The following CNKSR2 variants were observed in gnomAD, a reference collection of about 807,000 sequenced individuals.
The protein encoded by CNKSR2 is CNK homolog protein 2.
In CNKSR2, 14 loss-of-function variants were observed where a neutral mutation model predicts 84.4. The ratio of observed to expected loss-of-function variants is 0.17; its 90% CI spans 0.11 to 0.26. CNKSR2 has a LOEUF of 0.26. CNKSR2 is among the 10% of genes least tolerant of loss of function. CNKSR2 has a pLI of 1.00. For missense variants in CNKSR2, 485 were observed against 771.2 expected (o/e 0.63, Z 4.40); for synonymous variants, 275 against 277.9 (o/e 0.99, Z 0.10).
intron 8 of CNKSR2, among the ~76,000 whole-genome samples, chrX:21,507,799 T>TGTAA (rs1212839201): frequency 8.9e-6 from 1 of 111,902 alleles, no homozygotes; most frequent in Non-Finnish European, 1.9e-5. Flanking sequence ...ATGAATTTTT[T>TGTAA]GTAAGTATAG....
chrX:21,591,406 GAAACA>G, intron 15 of CNKSR2: 1 of 263,523 alleles, frequency 3.8e-6, no homozygotes, highest in Non-Finnish European at 6.8e-6. Context: ...CAACATATCT[GAAACA>G]CAGATAAAGT....
intron 11 of CNKSR2, among the ~76,000 whole-genome samples, chrX:21,547,269 C>G (rs983309022): frequency 2.7e-5 from 3 of 111,104 alleles, no homozygotes; most frequent in South Asian, 3.8e-4. Context: ...AAAAAAAAAG[C>G]AGGAGTTGCA....
At chrX:21,497,757 C>A in intron 6 of CNKSR2, 30 bp from the exon 7 acceptor site, 3 of 715,145 alleles carry the variant, frequency 4.2e-6, no homozygotes, top group Non-Finnish European at 6.7e-6. Context: ...AATTGCTTCA[C>A]TTTCTTTTCT....
intron 1 of CNKSR2, among the ~76,000 whole-genome samples, chrX:21,417,686 G>A (rs2090440719): frequency 9.0e-6 from 1 of 111,306 alleles, no homozygotes; most frequent in South Asian, 3.7e-4. Context: ...ATTTTGTCTT[G>A]AAATCTATTT....
chrX:21,469,893 CAA>C (rs1449868304), intron 4 of CNKSR2, among the ~76,000 whole-genome samples: 1 of 111,867 alleles, frequency 8.9e-6, no homozygotes, highest in Non-Finnish European at 1.9e-5. Flanking sequence ...GCCTGGGCAA[CAA>C]GAGCAAAACT....
At chrX:21,547,897 C>T (rs1412268974) in intron 11 of CNKSR2, among the ~76,000 whole-genome samples, 11 of 112,057 alleles carry the variant, frequency 9.8e-5, no homozygotes, top group Admixed American at 1.9e-4. Flanking sequence ...AAACACACAA[C>T]GTACCAGAAT....
At chrX:21,504,032 T>A (rs779106528) in intron 8 of CNKSR2, 3 of 111,331 alleles carry the variant, frequency 2.7e-5, no homozygotes, top group Non-Finnish European at 3.8e-5. Context: ...TAGACTTTTT[T>A]AATAATATGA....
At chrX:21,584,130 CTG>C (rs1186472780) in intron 13 of CNKSR2, among the ~76,000 whole-genome samples, 2 of 111,909 alleles carry the variant, frequency 1.8e-5, no homozygotes, top group Admixed American at 9.5e-5. Flanking sequence ...TAAATTTAAA[CTG>C]TTAAATGCAC....
chrX:21,644,829 T>C, intron 20 of CNKSR2: 2 of 112,025 alleles, frequency 1.8e-5, no homozygotes, highest in Middle Eastern at 4.6e-3. Flanking sequence ...TACTATAGAG[T>C]AATACATGTA....
chrX:21,439,083 G>A (rs185422412), intron 3 of CNKSR2, among the ~76,000 whole-genome samples: 4 of 111,556 alleles, frequency 3.6e-5, no homozygotes, highest in Admixed American at 2.9e-4. Flanking sequence ...AGAACAGGAT[G>A]TTTTGACATT....
At position 21,455,010 on chromosome X, in the gene CNKSR2, A is replaced by G. The variant is rs1002173038; in HGVS notation, c.519+14229A>G. On this transcript the variant is annotated intron_variant, in intron 4 of 21. Coordinates refer to ENST00000379510, the MANE Select transcript of CNKSR2 (RefSeq NM_014927.5). The stretch of plus-strand genomic sequence containing the variant: ...CCTGTGGATCAGTTTATCTATGGCT[A>G]TAGAGCAATATAGTTCTTTCTGTCA... Among the ~76,000 whole-genome samples the G allele has an allele frequency of 5.4e-5, 6 of 111,812 alleles. No individual in the cohort carries two copies. The Admixed American group carries it at 5.7e-4, about 11-fold the overall frequency.
chrX:21,509,538 T>C (rs1353430995), intron 8 of CNKSR2, among the ~76,000 whole-genome samples: 1 of 111,855 alleles, frequency 8.9e-6, no homozygotes, highest in Non-Finnish European at 1.9e-5. Context: ...TAAGTTACTC[T>C]AAGCTAGGGT....
intron 9 of CNKSR2, among the ~76,000 whole-genome samples, chrX:21,519,271 A>G (rs917516254): frequency 1.8e-5 from 2 of 111,440 alleles, no homozygotes; most frequent in Non-Finnish European, 3.8e-5. Flanking sequence ...TTTATAGATT[A>G]TAGATTTTGG....
intron 1 of CNKSR2, among the ~76,000 whole-genome samples, chrX:21,395,091 C>T (rs979503863): frequency 9.0e-6 from 1 of 111,428 alleles, no homozygotes. Context: ...GTGTACTTTC[C>T]CAAAGCTCCT....
rs774880003 is a variant in CNKSR2 at position 21,652,538 on chromosome X, G to C, written c.*17G>C. On this transcript the variant is annotated 3_prime_UTR_variant, in exon 22 of 22. Transcript: ENST00000379510. ...CATGTCTAAATGTATTCTGCCTTCA[G>C]ACCATCTAGTACCTGCTGGTACTCT... The C allele has an allele frequency of 7.1e-6, 8 of 1,130,744 alleles. No homozygotes were observed. In the African/African-American group the frequency reaches 1.3e-4, roughly 18 times the overall value. 93.2% of individuals were successfully genotyped at this position (1,130,744 alleles called of 1,213,427 possible).
At chrX:21,621,807 T>C (rs771325168) in intron 20 of CNKSR2, among the ~76,000 whole-genome samples, 1 of 111,252 alleles carries the variant, frequency 9.0e-6, no homozygotes, top group East Asian at 2.8e-4. Context: ...TTTAAAATGC[T>C]TCATTTTTTT....
chrX:21,461,549 A>G (rs752573213), intron 4 of CNKSR2, among the ~76,000 whole-genome samples: 3 of 111,173 alleles, frequency 2.7e-5, no homozygotes, highest in African/African-American at 6.6e-5. Context: ...ATGTGATCCC[A>G]TTTGTCCATT....
intron 20 of CNKSR2, among the ~76,000 whole-genome samples, chrX:21,635,092 T>C (rs1249605038): frequency 9.2e-6 from 1 of 108,565 alleles, no homozygotes; most frequent in Non-Finnish European, 1.9e-5. Flanking sequence ...TTAAATTCTT[T>C]TCAGGAAGAA....
chrX:21,517,673 G>A (rs897329789), intron 9 of CNKSR2, among the ~76,000 whole-genome samples: 5 of 109,462 alleles, frequency 4.6e-5, no homozygotes, highest in Non-Finnish European at 7.6e-5. Flanking sequence ...TGTCCTTCAC[G>A]AAACGTACAT....
Sources: gnomAD v4.1 joint callset for allele counts (sites outside exome capture counted in the v4.1 genomes callset) on GRCh38, gnomAD v4.1.1 for gene constraint, MANE v1.5 for transcripts, NCBI Gene and HGNC (gene_info 2026-07-23, HGNC 2026-07-21) for gene names.